Variants in CPT1C observed in about 807,000 individuals in gnomAD.
CPT1C encodes the protein palmitoyl thioesterase CPT1C.
A neutral mutation model predicts 97.3 loss-of-function variants in CPT1C; 61 were observed. The ratio of observed to expected loss-of-function variants is 0.63; its 90% confidence interval spans 0.51 to 0.78. The LOEUF (loss-of-function observed/expected upper bound fraction) is 0.78, where lower values mean the gene tolerates loss of function less well. CPT1C is among the 30% of genes least tolerant of loss of function. The probability of loss-of-function intolerance (pLI) is 0.00; values close to 1 mark genes in which losing one functional copy is unlikely to be tolerated. For missense variants in CPT1C, 975 were observed against 1,065.5 expected, an observed-to-expected ratio of 0.92 and a Z score of 1.18; for synonymous variants, 469 against 447.2, an observed-to-expected ratio of 1.05 and a Z score of -0.61.
intron 7 of CPT1C, among the ~76,000 whole-genome samples, chr19:49,703,464 T>C (rs1303577879): frequency 6.6e-6 from 1 of 151,078 alleles, no homozygotes; most frequent in Non-Finnish European, 1.5e-5. Flanking sequence ...CCTCCCAAAG[T>C]GTTGGGATTT....
At chr19:49,712,619 A>T in intron 17 of CPT1C, 117 bp from the exon 18 acceptor site, 1 of 732,488 alleles carries the variant, frequency 1.4e-6, no homozygotes, top group Admixed American at 2.1e-5. Flanking sequence ...GTGGTTAGGG[A>T]GAAGGAGGCC....
chr19:49,706,509 C>G lies in CPT1C; in HGVS notation c.1343+96C>G, dbSNP rs1323079165. 9.1e-7 allele frequency: 1 copy of G among 1,097,856 alleles called. No homozygotes were observed. Among genetic ancestry groups the G allele is most frequent in the Non-Finnish European group, 1.2e-6 (1 of 830,120 alleles). The allele number at this position is 1,097,856 out of a possible 1,614,324, so 68.0% of individuals were successfully genotyped here. On this transcript the variant is annotated intron_variant, in intron 12 of 19. Coordinates refer to ENST00000598293, the MANE Select transcript of CPT1C (RefSeq NM_001199753.2). The surrounding 1 kb of genome is among the most constrained non-coding windows in gnomAD (Gnocchi z 4.8). Reference sequence around the variant, plus strand: ...ACAGTAGACAGCCAGACCCTGGAGCCCACACCTGCAGAGTCTGTAGACCAG... The same window carrying G: ...ACAGTAGACAGCCAGACCCTGGAGCGCACACCTGCAGAGTCTGTAGACCAG...
chr19:49,703,770 C>A (rs2083347099), intron 7 of CPT1C, among the ~76,000 whole-genome samples: 1 of 151,692 alleles, frequency 6.6e-6, no homozygotes, highest in Non-Finnish European at 1.5e-5. Flanking sequence ...GTAGCTGGGA[C>A]TACAGGCATG....
intron 3 of CPT1C, among the ~76,000 whole-genome samples, chr19:49,695,662 G>A (rs1288861109): frequency 7.2e-6 from 1 of 139,442 alleles, no homozygotes; most frequent in East Asian, 2.1e-4. Context: ...TCGACTTACT[G>A]CAACCTCTGC....
chr19:49,712,815 C>T lies in CPT1C; in HGVS notation c.2099C>T (p.Pro700Leu), dbSNP rs145174320. 4.3e-6 allele frequency: 7 copies of T among 1,613,594 alleles called. No homozygotes were observed. The highest frequency in any genetic ancestry group is 1.7e-5 in the Admixed American group (1 of 59,924). ...QMHLFDVHNY[P>L]DYVSSGGGFG... ...CATCTGTTTGACGTCCACAATTACC[C>T]GGACTATGTTTCCTCAGGCGGTGGA... Residue 700 changes from proline to leucine, a missense_variant, in exon 18 of 20, where the codon CCG becomes CTG. By Grantham distance (98) the Pro-to-Leu change is moderately conservative. Transcript: ENST00000598293.
chr19:49,706,962 C>T lies in CPT1C; in HGVS notation c.1343+549C>T, dbSNP rs571615082. 2.2e-4 allele frequency among the ~76,000 whole-genome samples: 33 copies of T among 152,090 alleles called. No individual in the cohort carries two copies. Among genetic ancestry groups the T allele is most frequent in the Non-Finnish European group, 3.5e-4 (24 of 68,010 alleles). ...ACCCCCAAAAGCCTTGAACCTTCCTCGGCAAGTTTCCTAAAAATCTCCAAA... is the reference window on the plus strand; with the variant it reads ...ACCCCCAAAAGCCTTGAACCTTCCTTGGCAAGTTTCCTAAAAATCTCCAAA... On this transcript the variant is annotated intron_variant, in intron 12 of 19. Transcript: ENST00000598293. This position sits in a 1 kb window ranked among gnomAD's most constrained non-coding sequence, Gnocchi z 4.8.
chr19:49,701,837 GTATATATATTTATT>G (rs1356063600), intron 7 of CPT1C, among the ~76,000 whole-genome samples: 3 of 124,190 alleles, frequency 2.4e-5, no homozygotes, highest in Non-Finnish European at 4.9e-5. Flanking sequence ...AAATATATAT[GTATATATATTTATT>G]TATATATAAA....
chr19:49,707,470 TC>T lies in CPT1C; in HGVS notation c.1344-44del, dbSNP rs778039995. On this transcript the variant is annotated intron_variant, in intron 12 of 19. Coordinates refer to ENST00000598293, the MANE Select transcript of CPT1C (RefSeq NM_001199753.2). ...AAGTCCCACAGAAAGCACTCTGAGG[TC>T]CCCGTGCCCCTCGCTCTTGGTGACC... 12 of 1,364,304 alleles carry T rather than the reference TC, an allele frequency of 8.8e-6. No individual in the cohort carries two copies. In the East Asian group the frequency reaches 2.8e-4, roughly 31 times the overall value. The allele number at this position is 1,364,304 out of a possible 1,614,324, so 84.5% of individuals were successfully genotyped here.
intron 7 of CPT1C, among the ~76,000 whole-genome samples, chr19:49,702,004 T>TATTTATTTATAATTTATAAA (rs1568520759): frequency 1.0e-4 from 1 of 9,974 alleles, no homozygotes; most frequent in African/African-American, 1.9e-4. Context: ...TATAAATATA[T>TATTTATTTATAATTTATAAA]TAAATATATT....
At chr19:49,691,429 C>T (rs1281692591) in intron 1 of CPT1C, 89 bp downstream of exon 1, 1 of 152,036 alleles carries the variant, frequency 6.6e-6, no homozygotes, top group African/African-American at 2.4e-5. Context: ...CATCACTTGT[C>T]CTCGACGCTC....
rs906394359 is a variant in CPT1C at position 49,712,149 on chromosome 19, C to T, written c.2019+188C>T. On this transcript the variant is annotated intron_variant, in intron 17 of 19. Coordinates refer to ENST00000598293, the MANE Select transcript of CPT1C (RefSeq NM_001199753.2). The stretch of plus-strand genomic sequence containing the variant: ...CTTGAGGTCAAGAGTTCGAGACCAG[C>T]CTGGCCAACTTGGCGAAACCCTGTC... 114 of 666,620 alleles carry T rather than the reference C, an allele frequency of 1.7e-4. 1 individual carries two copies. The highest frequency in any genetic ancestry group is 2.4e-4 in the Non-Finnish European group (100 of 410,568). 41.3% of individuals were successfully genotyped at this position (666,620 alleles called of 1,614,324 possible).
At chr19:49,702,725 T>G (rs2083253767) in intron 7 of CPT1C, among the ~76,000 whole-genome samples, 1 of 151,454 alleles carries the variant, frequency 6.6e-6, no homozygotes, top group Non-Finnish European at 1.5e-5. Context: ...CTGGACTCTT[T>G]CCTGGGGGTA....
intron 4 of CPT1C, 68 bp from the exon 5 acceptor site, chr19:49,700,616 G>C: frequency 6.5e-7 from 1 of 1,543,648 alleles, no homozygotes; most frequent in Non-Finnish European, 8.8e-7. Context: ...GGGGCTGGAG[G>C]GGGCTGGAAG....
Position 49,705,265 on chromosome 19 carries a change from T to G in CPT1C, c.931T>G (p.Phe311Val). The G allele has an allele frequency of 1.9e-6, 3 of 1,608,122 alleles. No homozygotes were observed. The highest frequency in any genetic ancestry group is 2.6e-6 in the Non-Finnish European group (3 of 1,175,282). Residue 311 changes from phenylalanine to valine, a missense_variant, in exon 10 of 20, where the codon TTC (phenylalanine) becomes GTC (valine). By Grantham distance (50) the Phe-to-Val change is conservative. Transcript: ENST00000598293. ...PLCSAQYEKIFNTTRIPGVQK... is the reference protein window; with the variant it reads ...PLCSAQYEKIVNTTRIPGVQK... ...ATGCTCTGCCCAGTACGAGAAGATC[T>G]TCAACACCACGCGGATTCCAGGGGT...
Position 49,706,338 on chromosome 19 carries a change from G to A in CPT1C, c.1268G>A (p.Gly423Glu). 1 of 1,522,700 alleles carries A rather than the reference G, an allele frequency of 6.6e-7. No homozygotes were observed. The highest frequency in any genetic ancestry group is 8.8e-7 in the Non-Finnish European group (1 of 1,140,404). The allele number at this position is 1,522,700 out of a possible 1,614,324, so 94.3% of individuals were successfully genotyped here. The change falls in exon 12 of 20, where the codon GGG becomes GAG. Residue 423 changes from glycine to glutamate, a missense_variant. Transcript: ENST00000598293. This position sits in a 1 kb window ranked among gnomAD's most constrained non-coding sequence, Gnocchi z 4.8. ...GTGTCACTGGATGCTGAGCCCGCGG[G>A]GCTCACCAGGGAGGACCCGGCAGCG... Reference protein sequence around the residue: ...FFVSLDAEPAGLTREDPAASL... With the variant: ...FFVSLDAEPAELTREDPAASL...
chr19:49,702,080 AATATATATTTATTTATAAATT>A (rs2083174398), intron 7 of CPT1C, among the ~76,000 whole-genome samples: 2 of 100,174 alleles, frequency 2.0e-5, no homozygotes, highest in African/African-American at 5.4e-5. Context: ...ATAAATTATA[AATATATATTTATTTATAAATT>A]ATAAATATAT....
chr19:49,697,540 G>T (rs2082736538), intron 4 of CPT1C, 75 bp downstream of exon 4: 1 of 1,517,204 alleles, frequency 6.6e-7, no homozygotes, highest in African/African-American at 1.4e-5. Context: ...TGTCATTGTG[G>T]TGTACCTGCT....
intron 1 of CPT1C, 142 bp downstream of exon 1, chr19:49,691,482 G>C (rs1485241927): frequency 6.6e-6 from 1 of 152,138 alleles, no homozygotes; most frequent in Non-Finnish European, 1.5e-5. Context: ...CGAGGCATGC[G>C]CAGTGGGTGC....
intron 3 of CPT1C, 134 bp downstream of exon 3, chr19:49,692,527 T>G: frequency 8.7e-7 from 1 of 1,148,086 alleles, no homozygotes; most frequent in Non-Finnish European, 1.2e-6. Flanking sequence ...AATTTTGATG[T>G]CTGCTCCCAG....
Sources: gnomAD v4.1 joint callset for allele counts (sites outside exome capture counted in the v4.1 genomes callset) on GRCh38, gnomAD v4.1.1 for gene constraint, Gnocchi (gnomAD v3.1) non-coding constraint, MANE v1.5 for transcripts, NCBI Gene and HGNC (gene_info 2026-07-23, HGNC 2026-07-21) for gene names.